BTRC: variants seen among roughly 807,000 people sequenced by gnomAD.
The protein encoded by BTRC is F-box/WD repeat-containing protein 1A.
In BTRC, 42 loss-of-function variants were observed where a neutral mutation model predicts 85.5. That is an observed-to-expected ratio of 0.49 (90% CI 0.38 to 0.64). BTRC has a LOEUF of 0.64. BTRC is among the 30% of genes least tolerant of loss of function. BTRC has a pLI of 0.00. For synonymous variants in BTRC, 255 were observed against 263.3 expected (o/e 0.97, Z 0.30); for missense variants, 594 against 743.5 (o/e 0.80, Z 2.34).
At chr10:101,357,440 CAAAAAA>C (rs11294551) in intron 1 of BTRC, among the ~76,000 whole-genome samples, 1 of 85,784 alleles carries the variant, frequency 1.2e-5, no homozygotes, top group South Asian at 4.3e-4. Flanking sequence ...GACTCTGTCT[CAAAAAA>C]AAAAAAAAAA....
chr10:101,500,692 A>G (rs2134289430), intron 4 of BTRC, among the ~76,000 whole-genome samples: 1 of 152,350 alleles, frequency 6.6e-6, no homozygotes, highest in East Asian at 1.9e-4. Flanking sequence ...GAAGAAGGCT[A>G]AAACCTTAAA....
At chr10:101,369,645 G>A (rs1012638502) in intron 1 of BTRC, among the ~76,000 whole-genome samples, 20 of 152,144 alleles carry the variant, frequency 1.3e-4, no homozygotes, top group Non-Finnish European at 2.1e-4. Context: ...TGCTATTGGG[G>A]TGTCACTGCT....
At chr10:101,479,491 C>T (rs1241247109) in intron 4 of BTRC, 34 bp downstream of exon 4, 1 of 1,503,412 alleles carries the variant, frequency 6.7e-7, no homozygotes, top group Non-Finnish European at 9.2e-7. Flanking sequence ...TATATTACAC[C>T]ACACCATAAC....
intron 4 of BTRC, among the ~76,000 whole-genome samples, chr10:101,482,553 G>A (rs1000870801): frequency 2.0e-5 from 3 of 151,668 alleles, no homozygotes; most frequent in East Asian, 3.9e-4. Flanking sequence ...CCGCCACCAC[G>A]CCCGGCTAAT....
At chr10:101,376,323 T>TCAA (rs968401099) in intron 1 of BTRC, among the ~76,000 whole-genome samples, 7 of 152,042 alleles carry the variant, frequency 4.6e-5, no homozygotes, top group East Asian at 1.9e-4. Context: ...AGACTCCATC[T>TCAA]CAACAACAAC....
intron 1 of BTRC, among the ~76,000 whole-genome samples, chr10:101,421,749 G>C (rs796855250): frequency 6.6e-6 from 1 of 150,858 alleles, no homozygotes; most frequent in Non-Finnish European, 1.5e-5. Flanking sequence ...GTGATAGTTT[G>C]CTGAGAATGA....
intron 1 of BTRC, among the ~76,000 whole-genome samples, chr10:101,358,018 G>A (rs1391086474): frequency 6.6e-6 from 1 of 152,090 alleles, no homozygotes; most frequent in Non-Finnish European, 1.5e-5. Flanking sequence ...AAATGATTGA[G>A]GGAATATAGA....
chr10:101,446,438 T>C (rs1197067872), intron 2 of BTRC, among the ~76,000 whole-genome samples: 1 of 152,166 alleles, frequency 6.6e-6, no homozygotes, highest in Non-Finnish European at 1.5e-5. Flanking sequence ...ATCCAGTACA[T>C]TTTTTGCTAT....
rs77083745 is a variant in BTRC, at chr10:101,533,507, G to A, written c.1097+437G>A. Among the ~76,000 whole-genome samples the A allele has an allele frequency of 1.2e-4, 19 of 152,250 alleles. No homozygotes were observed. The East Asian group carries it at 3.7e-3, about 29-fold the overall frequency. ...CAGCCCCTCCCCTGCCATCCCTGCA[G>A]TTTTTAATTGCAAGCTTCACTCAGG... is the stretch of plus-strand genomic sequence containing the variant. On this transcript the variant is annotated intron_variant, in intron 9 of 14. Transcript: ENST00000370187.
intron 2 of BTRC, among the ~76,000 whole-genome samples, chr10:101,434,511 G>A (rs578172892): frequency 3.3e-5 from 5 of 152,246 alleles, no homozygotes; most frequent in Non-Finnish European, 7.4e-5. Context: ...AATAATCATT[G>A]TGACTTTGGG....
At chr10:101,436,516 C>G (rs1944533987) in intron 2 of BTRC, among the ~76,000 whole-genome samples, 1 of 151,972 alleles carries the variant, frequency 6.6e-6, no homozygotes, top group Admixed American at 6.6e-5. Flanking sequence ...ACTCACCTGT[C>G]CCAGCTATCT....
At chr10:101,414,742 G>C in intron 1 of BTRC, 2 of 360,596 alleles carry the variant, frequency 5.5e-6, no homozygotes, top group East Asian at 7.6e-5. Context: ...TGTAATGTGT[G>C]TGTTCATGTG....
intron 1 of BTRC, among the ~76,000 whole-genome samples, chr10:101,386,104 C>A (rs1943072516): frequency 6.6e-6 from 1 of 152,076 alleles, no homozygotes; most frequent in South Asian, 2.1e-4. Context: ...GGCAAGGGGC[C>A]ACAATTAATC....
chr10:101,450,214 CTG>C (rs1329670559), intron 2 of BTRC, among the ~76,000 whole-genome samples: 3 of 152,304 alleles, frequency 2.0e-5, no homozygotes, highest in East Asian at 1.9e-4. Context: ...ACAAAGCTGA[CTG>C]TGTTCAGACA....
chr10:101,444,677 T>C (rs549541365), intron 2 of BTRC, among the ~76,000 whole-genome samples: 2 of 152,270 alleles, frequency 1.3e-5, no homozygotes, highest in African/African-American at 2.4e-5. Context: ...TTAAAAAGAA[T>C]ACAATTACAA....
At position 101,354,213 on chromosome 10, in the gene BTRC, G is replaced by A; in HGVS notation, c.33G>A (p.Lys11=). The A allele has an allele frequency of 3.2e-6, 5 of 1,549,270 alleles. No individual in the cohort carries two copies. Among genetic ancestry groups the A allele is most frequent in the Non-Finnish European group, 3.5e-6 (4 of 1,146,686 alleles). Residue 11 remains lysine (K), a synonymous_variant, in exon 1 of 15, where the codon AAG becomes AAA. Coordinates refer to ENST00000370187, the MANE Select transcript of BTRC (RefSeq NM_033637.4). ...CGGCCGAGGCGGTGCTGCAAGAGAA[G>A]GCACTCAAGTTTATGGTGAGGAGAC... is the stretch of plus-strand genomic sequence containing the variant. MDPAEAVLQE[K]ALKFMCSMPR...
chr10:101,497,833 A>G (rs1177042918), intron 4 of BTRC, among the ~76,000 whole-genome samples: 1 of 152,114 alleles, frequency 6.6e-6, no homozygotes, highest in Non-Finnish European at 1.5e-5. Context: ...CATCTTGGCC[A>G]ACATGGTGAA....
chr10:101,548,329 T>C (rs1479592206), intron 13 of BTRC, among the ~76,000 whole-genome samples: 2 of 152,232 alleles, frequency 1.3e-5, no homozygotes, highest in African/African-American at 2.4e-5. Flanking sequence ...TCAGCCCCTA[T>C]GTCCACCAAC....
intron 1 of BTRC, among the ~76,000 whole-genome samples, chr10:101,391,657 G>A (rs149794138): frequency 6.6e-6 from 1 of 152,258 alleles, no homozygotes; most frequent in Non-Finnish European, 1.5e-5. Context: ...TTGCTCTCTA[G>A]AACAGTAGCC....
Sources: gnomAD v4.1 joint callset for allele counts (sites outside exome capture counted in the v4.1 genomes callset) on GRCh38, gnomAD v4.1.1 for gene constraint, MANE v1.5 for transcripts, NCBI Gene and HGNC (gene_info 2026-07-23, HGNC 2026-07-21) for gene names.